ZNF804A: variants seen among roughly 807,000 people sequenced by gnomAD.
ZNF804A encodes zinc finger protein 804A.
A neutral mutation model predicts 16.5 loss-of-function variants in ZNF804A; 2 were observed. The observed-to-expected ratio is 0.12, with a 90% CI of 0.05 to 0.38. The LOEUF is 0.38. Among genes scored for constraint, ZNF804A ranks in the 10% least tolerant of loss-of-function variants. The pLI is 0.99. For synonymous variants in ZNF804A, 534 were observed against 489.6 expected (o/e 1.09, Z -1.20); for missense variants, 1,473 against 1,390.7 (o/e 1.06, Z -0.94).
chr2:184,845,138 A>G (rs1375554810), intron 1 of ZNF804A, among the ~76,000 whole-genome samples: 1 of 151,988 alleles, frequency 6.6e-6, no homozygotes, highest in Non-Finnish European at 1.5e-5. Flanking sequence ...CCTTTAGAAA[A>G]CTTAACATAT....
chr2:184,873,621 T>A (rs979891339), intron 2 of ZNF804A, among the ~76,000 whole-genome samples: 2 of 152,160 alleles, frequency 1.3e-5, no homozygotes, highest in African/African-American at 4.8e-5. Context: ...TAACTGCAAC[T>A]TACAAAACCA....
chr2:184,631,201 C>T (rs1691603798), intron 1 of ZNF804A, among the ~76,000 whole-genome samples: 1 of 151,946 alleles, frequency 6.6e-6, no homozygotes. Context: ...AAGTGTGTCT[C>T]CAGACAGTGA....
intron 1 of ZNF804A, among the ~76,000 whole-genome samples, chr2:184,764,318 C>T (rs1694084899): frequency 6.6e-6 from 1 of 151,682 alleles, no homozygotes; most frequent in Admixed American, 6.6e-5. Context: ...TTAATTTTAG[C>T]CAAAAATATG....
intron 1 of ZNF804A, among the ~76,000 whole-genome samples, chr2:184,624,575 A>G (rs1691468429): frequency 6.6e-6 from 1 of 152,132 alleles, no homozygotes; most frequent in Non-Finnish European, 1.5e-5. Flanking sequence ...ATTTTTATAA[A>G]TTTTTGAATT....
At chr2:184,636,870 A>C (rs1574141343) in intron 1 of ZNF804A, among the ~76,000 whole-genome samples, 1 of 152,080 alleles carries the variant, frequency 6.6e-6, no homozygotes, top group Non-Finnish European at 1.5e-5. Flanking sequence ...TAGTCTTTTT[A>C]CCACTTAAGA....
intron 1 of ZNF804A, among the ~76,000 whole-genome samples, chr2:184,865,899 T>TTACTA (rs1446249873): frequency 1.3e-5 from 2 of 152,134 alleles, no homozygotes; most frequent in East Asian, 3.9e-4. Flanking sequence ...GAATAATAAG[T>TTACTA]TACTATATAG....
At chr2:184,698,609 A>G (rs1362673815) in intron 1 of ZNF804A, among the ~76,000 whole-genome samples, 1 of 152,058 alleles carries the variant, frequency 6.6e-6, no homozygotes, top group South Asian at 2.1e-4. Context: ...AAACTGGCTT[A>G]ATCAGAGAGG....
At position 184,726,182 on chromosome 2, in the gene ZNF804A, C is replaced by T. The variant is rs1403954403; in HGVS notation, c.111+127112C>T. On this transcript the variant is annotated intron_variant, in intron 1 of 3. Coordinates refer to ENST00000302277, the MANE Select transcript of ZNF804A (RefSeq NM_194250.2). ...TGCAATTGCTAGATTGTATGCTATG[C>T]GTATTTCTAGAGTTTTAAGAATCTT... Among the ~76,000 whole-genome samples the T allele has an allele frequency of 4.0e-5, 6 of 151,692 alleles. No homozygotes were observed. In the East Asian group the frequency reaches 5.8e-4, roughly 15 times the overall value.
chr2:184,767,345 A>G (rs1694143943), intron 1 of ZNF804A, among the ~76,000 whole-genome samples: 1 of 152,166 alleles, frequency 6.6e-6, no homozygotes, highest in African/African-American at 2.4e-5. Context: ...AATAAGCCGG[A>G]AACAAAAAAC....
chr2:184,706,719 G>T (rs1049748523), intron 1 of ZNF804A, among the ~76,000 whole-genome samples: 4 of 152,158 alleles, frequency 2.6e-5, no homozygotes, highest in Admixed American at 2.0e-4. Flanking sequence ...CCATACAGCT[G>T]TAATAGTTTT....
At chr2:184,710,341 C>T (rs1434279494) in intron 1 of ZNF804A, among the ~76,000 whole-genome samples, 2 of 151,448 alleles carry the variant, frequency 1.3e-5, no homozygotes, top group African/African-American at 4.8e-5. Context: ...CCCAAGAAAC[C>T]ATTCATTTAC....
intron 1 of ZNF804A, among the ~76,000 whole-genome samples, chr2:184,760,527 T>G (rs1189170805): frequency 1.3e-5 from 2 of 152,138 alleles, no homozygotes; most frequent in African/African-American, 4.8e-5. Context: ...GAGCTTAAGT[T>G]GGCATATTAT....
At chr2:184,855,763 A>G (rs1453810680) in intron 1 of ZNF804A, among the ~76,000 whole-genome samples, 3 of 152,004 alleles carry the variant, frequency 2.0e-5, no homozygotes, top group African/African-American at 4.8e-5. Flanking sequence ...GAGTTGGAAC[A>G]CAGTAACTAA....
intron 1 of ZNF804A, among the ~76,000 whole-genome samples, chr2:184,848,959 T>A (rs975541227): frequency 9.9e-5 from 15 of 151,740 alleles, no homozygotes; most frequent in African/African-American, 3.2e-4. Flanking sequence ...GATAATTTAT[T>A]TGAGAAGTGA....
At chr2:184,797,044 T>C (rs1694640074) in intron 1 of ZNF804A, among the ~76,000 whole-genome samples, 1 of 152,114 alleles carries the variant, frequency 6.6e-6, no homozygotes, top group Non-Finnish European at 1.5e-5. Flanking sequence ...TTATGGCCTA[T>C]CATATGGTCT....
intron 1 of ZNF804A, among the ~76,000 whole-genome samples, chr2:184,657,567 T>C (rs1028756694): frequency 2.6e-5 from 4 of 152,238 alleles, no homozygotes; most frequent in Admixed American, 1.3e-4. Flanking sequence ...GCAGGATTTA[T>C]CATCTGAGAT....
intron 1 of ZNF804A, among the ~76,000 whole-genome samples, chr2:184,832,374 T>A (rs570051467): frequency 6.6e-6 from 1 of 152,214 alleles, no homozygotes; most frequent in Admixed American, 6.6e-5. Context: ...TATACCATGT[T>A]ACATTTTAAA....
intron 1 of ZNF804A, among the ~76,000 whole-genome samples, chr2:184,730,982 C>A (rs1693504700): frequency 6.6e-6 from 1 of 151,710 alleles, no homozygotes; most frequent in Admixed American, 6.6e-5. Flanking sequence ...GTAGCTCACA[C>A]CTGTAATCCA....
intron 1 of ZNF804A, among the ~76,000 whole-genome samples, chr2:184,690,286 T>C (rs1283463430): frequency 6.6e-6 from 1 of 151,986 alleles, no homozygotes; most frequent in South Asian, 2.1e-4. Flanking sequence ...TGGTGTATTA[T>C]TGGACCCTAA....
Sources: gnomAD v4.1 joint callset for allele counts (sites outside exome capture counted in the v4.1 genomes callset) on GRCh38, gnomAD v4.1.1 for gene constraint, MANE v1.5 for transcripts, NCBI Gene and HGNC (gene_info 2026-07-23, HGNC 2026-07-21) for gene names.